MRPS27: variants seen among roughly 807,000 people sequenced by gnomAD.
MRPS27 encodes small ribosomal subunit protein mS27.
MRPS27 carries 43 observed loss-of-function variants against 48.9 expected under a neutral mutation model. The ratio of observed to expected loss-of-function variants is 0.88; its 90% CI spans 0.69 to 1.13. The LOEUF (loss-of-function observed/expected upper bound fraction) is 1.13, where lower values mean the gene tolerates loss of function less well. Among genes scored for constraint, MRPS27 ranks in the 50% most tolerant of loss-of-function variants. The pLI is 0.00. For synonymous variants in MRPS27, 188 were observed against 171.9 expected (o/e 1.09, Z -0.73); for missense variants, 467 against 476.3 (o/e 0.98, Z 0.18).
In MRPS27 at chr5:72,316,648, G is replaced by A. The variant is rs139481272; in HGVS notation, c.74-2490C>T. ...CTCCCAAAGTGCTGGGATTACAGGCGTGAGCCACCATGCCTGGCCTGAATT... is the reference window on the plus strand; with the variant it reads ...CTCCCAAAGTGCTGGGATTACAGGCATGAGCCACCATGCCTGGCCTGAATT... On this transcript the variant is annotated intron_variant, in intron 1 of 10. Coordinates refer to ENST00000261413, the MANE Select transcript of MRPS27 (RefSeq NM_015084.3). Among the ~76,000 whole-genome samples, 611 of 152,012 alleles carry A rather than the reference G, an allele frequency of 4.0e-3. 1 individual carries two copies. The highest frequency in any genetic ancestry group is 0.013 in the African/African-American group (555 of 41,490).
At chr5:72,234,027 A>G in intron 6 of MRPS27, 92 bp downstream of exon 6, 2 of 1,291,570 alleles carry the variant, frequency 1.5e-6, no homozygotes, top group Non-Finnish European at 2.0e-6. Context: ...AGATGTTATT[A>G]AGAAATAAAA....
chr5:72,258,869 T>C (rs905776167), intron 4 of MRPS27, among the ~76,000 whole-genome samples: 11 of 152,208 alleles, frequency 7.2e-5, no homozygotes. Context: ...TTAGCTATAG[T>C]TGACTACTAA....
intron 4 of MRPS27, among the ~76,000 whole-genome samples, chr5:72,268,731 T>A (rs1003157800): frequency 6.6e-6 from 1 of 152,220 alleles, no homozygotes; most frequent in Non-Finnish European, 1.5e-5. Flanking sequence ...GCCCTTGGAA[T>A]CTTGCAGGTC....
intron 2 of MRPS27, among the ~76,000 whole-genome samples, chr5:72,311,793 AAACT>A (rs754966223): frequency 6.6e-6 from 1 of 152,266 alleles, no homozygotes; most frequent in Non-Finnish European, 1.5e-5. Context: ...AACAGAAAAC[AAACT>A]AAGACAGATA....
At chr5:72,225,727 A>T (rs544666208) in intron 9 of MRPS27, among the ~76,000 whole-genome samples, 2 of 152,084 alleles carry the variant, frequency 1.3e-5, no homozygotes, top group South Asian at 4.2e-4. Flanking sequence ...TATTACAAAA[A>T]CACCAAACAT....
intron 1 of MRPS27, among the ~76,000 whole-genome samples, chr5:72,319,578 CT>C (rs1750685611): frequency 7.9e-6 from 1 of 126,300 alleles, no homozygotes. Flanking sequence ...GGGTCTCGCT[CT>C]GTTGCCCAGG....
At position 72,297,746 on chromosome 5, in the gene MRPS27, A is replaced by AT. The variant is rs370378769; in HGVS notation, c.152-45dup. On this transcript the variant is annotated intron_variant, in intron 2 of 10. Transcript: ENST00000261413. ...AAAAAAAACCTTGTTAAAGATACAT[A>AT]TTTTTTTACAATTCTTGCCAGATGG... The AT allele has an allele frequency of 2.9e-5, 38 of 1,313,424 alleles. No individual in the cohort carries two copies. The South Asian group carries it at 4.6e-4, about 16-fold the overall frequency. 81.4% of individuals were successfully genotyped at this position (1,313,424 alleles called of 1,614,324 possible).
chr5:72,291,543 AAATGT>A lies in MRPS27; in HGVS notation c.281+3983_281+3987del, dbSNP rs774099100. Among the ~76,000 whole-genome samples the A allele has an allele frequency of 3.9e-5, 6 of 152,388 alleles. No individual in the cohort carries two copies. In the East Asian group the frequency reaches 7.7e-4, roughly 20 times the overall value. On this transcript the variant is annotated intron_variant, in intron 4 of 10. Transcript: ENST00000261413. ...ATTTCTAAGCAGTGATATCTGTAAC[AAATGT>A]AATGTGATATGAAAAAATCAATGAT...
Position 72,248,377 on chromosome 5 carries a change from C to G in MRPS27, c.282-10249G>C, listed in dbSNP as rs115734077. Among the ~76,000 whole-genome samples the G allele has an allele frequency of 3.7e-3, 566 of 152,218 alleles. 1 individual carries two copies. Among genetic ancestry groups the G allele is most frequent in the African/African-American group, 0.013 (550 of 41,540 alleles). ...TTAGTAATAAACCAAATACAAAGTT[C>G]CGGGTTCATCTGTTCTGGCTGGCAA... On this transcript the variant is annotated intron_variant, in intron 4 of 10. Transcript: ENST00000261413.
intron 6 of MRPS27, 34 bp from the exon 7 acceptor site, chr5:72,232,592 T>TA: frequency 7.0e-7 from 1 of 1,438,642 alleles, no homozygotes; most frequent in South Asian, 1.2e-5. Context: ...AGAGAGGAAA[T>TA]TAGTTGTAGG....
intron 4 of MRPS27, among the ~76,000 whole-genome samples, chr5:72,243,988 T>G (rs1395154894): frequency 6.6e-6 from 1 of 152,200 alleles, no homozygotes; most frequent in Non-Finnish European, 1.5e-5. Flanking sequence ...CTTGGGTCCC[T>G]TTCCAGATCT....
intron 1 of MRPS27, among the ~76,000 whole-genome samples, chr5:72,316,543 A>G (rs1042965316): frequency 6.6e-6 from 1 of 151,578 alleles, no homozygotes; most frequent in Non-Finnish European, 1.5e-5. Context: ...AATTTTTTGT[A>G]TTTTTAGTAG....
chr5:72,265,559 A>G (rs1302653727), intron 4 of MRPS27, among the ~76,000 whole-genome samples: 1 of 152,236 alleles, frequency 6.6e-6, no homozygotes, highest in Non-Finnish European at 1.5e-5. Flanking sequence ...AGTCTGGGCT[A>G]TTCTCAAAAT....
intron 2 of MRPS27, among the ~76,000 whole-genome samples, chr5:72,311,808 T>C (rs1750446774): frequency 6.6e-6 from 1 of 152,212 alleles, no homozygotes; most frequent in Admixed American, 6.5e-5. Flanking sequence ...AAGACAGATA[T>C]AGAGGAGTTC....
intron 7 of MRPS27, among the ~76,000 whole-genome samples, chr5:72,231,309 G>C (rs1685713976): frequency 6.6e-6 from 1 of 152,028 alleles, no homozygotes; most frequent in South Asian, 2.1e-4. Flanking sequence ...CCCCTCCTTA[G>C]CCAGTTAATT....
At chr5:72,237,893 T>C in intron 5 of MRPS27, 121 bp downstream of exon 5, 1 of 666,744 alleles carries the variant, frequency 1.5e-6, no homozygotes, top group Non-Finnish European at 2.6e-6. Flanking sequence ...ATAAGAATAT[T>C]TGAGGCCAAA....
chr5:72,279,770 TG>T (rs1314584720), intron 4 of MRPS27, among the ~76,000 whole-genome samples: 2 of 152,246 alleles, frequency 1.3e-5, no homozygotes, highest in African/African-American at 4.8e-5. Context: ...TTTTGTGTCT[TG>T]TTCAAAAAAA....
intron 4 of MRPS27, among the ~76,000 whole-genome samples, chr5:72,292,890 G>A (rs1749867884): frequency 6.6e-6 from 1 of 152,106 alleles, no homozygotes; most frequent in Admixed American, 6.5e-5. Flanking sequence ...GCTGTGAGTT[G>A]TATAAAATTA....
chr5:72,314,793 C>A (rs1750525278), intron 1 of MRPS27: 1 of 152,230 alleles, frequency 6.6e-6, no homozygotes, highest in Non-Finnish European at 1.5e-5. Context: ...AGAACACCTT[C>A]TTAGAACCAA....
Sources: gnomAD v4.1 joint callset for allele counts (sites outside exome capture counted in the v4.1 genomes callset) on GRCh38, gnomAD v4.1.1 for gene constraint, MANE v1.5 for transcripts, NCBI Gene and HGNC (gene_info 2026-07-23, HGNC 2026-07-21) for gene names.